The following SNTB1 variants were observed in gnomAD, a reference collection of about 807,000 sequenced individuals.
SNTB1 encodes the protein beta-1-syntrophin.
Under a neutral mutation model 48.9 loss-of-function variants are expected in SNTB1, and 36 were observed. The ratio of observed to expected loss-of-function variants is 0.74; its 90% CI spans 0.56 to 0.97. The LOEUF is 0.97. Ranked by LOEUF, SNTB1 falls within the 50% of genes least tolerant of loss-of-function variation. The pLI, the probability that SNTB1 is intolerant of heterozygous loss-of-function variation, is 0.00. For missense variants in SNTB1, 786 were observed against 703.4 expected (o/e 1.12, Z -1.33); for synonymous variants, 299 against 294.6 (o/e 1.01, Z -0.15).
chr8:120,678,937 G>A (rs112017942), intron 2 of SNTB1, among the ~76,000 whole-genome samples: 18 of 152,150 alleles, frequency 1.2e-4, no homozygotes, highest in African/African-American at 4.1e-4. Flanking sequence ...ATTCCATGGC[G>A]GAAGAAAAAG....
At chr8:120,560,812 T>A (rs1815640749) in intron 4 of SNTB1, among the ~76,000 whole-genome samples, 1 of 152,222 alleles carries the variant, frequency 6.6e-6, no homozygotes, top group Non-Finnish European at 1.5e-5. Flanking sequence ...GGATGCATTA[T>A]CTTGTTTAAT....
chr8:120,800,574 C>T (rs1050744734), intron 1 of SNTB1, among the ~76,000 whole-genome samples: 4 of 151,948 alleles, frequency 2.6e-5, no homozygotes, highest in African/African-American at 9.7e-5. Flanking sequence ...ATGCATCAGA[C>T]CTAGATGGGA....
intron 3 of SNTB1, among the ~76,000 whole-genome samples, chr8:120,626,244 G>T (rs10086339): frequency 0.02 from 3,045 of 152,188 alleles, 99 homozygotes; most frequent in African/African-American, 0.071. Flanking sequence ...GATCAATATA[G>T]TCACATAGAT....
At chr8:120,665,323 G>A (rs1321183487) in intron 2 of SNTB1, among the ~76,000 whole-genome samples, 16 of 152,012 alleles carry the variant, frequency 1.1e-4, no homozygotes, top group Admixed American at 2.0e-4. Flanking sequence ...TTGGTGGCAC[G>A]TGCCTATATT....
intron 2 of SNTB1, among the ~76,000 whole-genome samples, chr8:120,682,047 A>G (rs1438595391): frequency 6.6e-6 from 1 of 152,168 alleles, no homozygotes; most frequent in African/African-American, 2.4e-5. Flanking sequence ...AAGCTAAAAT[A>G]TGACAGGTAA....
intron 3 of SNTB1, among the ~76,000 whole-genome samples, chr8:120,620,901 C>T (rs1816783959): frequency 1.4e-5 from 2 of 147,524 alleles, no homozygotes; most frequent in South Asian, 4.4e-4. Flanking sequence ...TTACCTCCAT[C>T]CTTCCCTCTC....
intron 2 of SNTB1, among the ~76,000 whole-genome samples, chr8:120,633,672 G>A (rs569992368): frequency 6.6e-6 from 1 of 152,196 alleles, no homozygotes; most frequent in East Asian, 1.9e-4. Context: ...GGCCAGAACT[G>A]TAATTGGATT....
At chr8:120,675,890 T>C (rs1457333366) in intron 2 of SNTB1, among the ~76,000 whole-genome samples, 1 of 152,212 alleles carries the variant, frequency 6.6e-6, no homozygotes, top group Non-Finnish European at 1.5e-5. Context: ...AGCCAACACT[T>C]TGTGCAATGG....
At chr8:120,726,922 C>T (rs1818765518) in intron 1 of SNTB1, among the ~76,000 whole-genome samples, 1 of 152,186 alleles carries the variant, frequency 6.6e-6, no homozygotes, top group African/African-American at 2.4e-5. Context: ...ATCTGCAGTG[C>T]TCCTCTTCAG....
At chr8:120,644,798 G>A (rs148861829) in intron 2 of SNTB1, among the ~76,000 whole-genome samples, 94,834 of 145,676 alleles carry the variant, frequency 0.65, 32,686 homozygotes, top group Middle Eastern at 0.77. Flanking sequence ...AAGTGTTCCT[G>A]TTTCTCCACA....
At chr8:120,779,645 A>C (rs958788481) in intron 1 of SNTB1, among the ~76,000 whole-genome samples, 3 of 152,234 alleles carry the variant, frequency 2.0e-5, no homozygotes, top group African/African-American at 7.2e-5. Context: ...GAGGGCATAA[A>C]AAGAGGAATA....
chr8:120,553,446 A>G (rs1815515579), intron 4 of SNTB1, among the ~76,000 whole-genome samples: 1 of 152,172 alleles, frequency 6.6e-6, no homozygotes, highest in Non-Finnish European at 1.5e-5. Context: ...TAATAAAAGG[A>G]TACTTTTCCC....
At chr8:120,779,791 G>A (rs937716628) in intron 1 of SNTB1, among the ~76,000 whole-genome samples, 4 of 152,142 alleles carry the variant, frequency 2.6e-5, no homozygotes, top group African/African-American at 2.4e-5. Flanking sequence ...GAGAGTGAAA[G>A]ATGATAGTTT....
At chr8:120,653,149 G>GTGACTTTATTT (rs1165058468) in intron 2 of SNTB1, among the ~76,000 whole-genome samples, 2 of 152,244 alleles carry the variant, frequency 1.3e-5, no homozygotes, top group Admixed American at 6.5e-5. Flanking sequence ...CATGTTCCTG[G>GTGACTTTATTT]GGAACCTCAG....
intron 1 of SNTB1, among the ~76,000 whole-genome samples, chr8:120,700,389 A>G (rs933972320): frequency 2.6e-5 from 4 of 152,232 alleles, no homozygotes; most frequent in African/African-American, 9.6e-5. Flanking sequence ...TAGTGTCTGC[A>G]TAATTATACT....
intron 1 of SNTB1, among the ~76,000 whole-genome samples, chr8:120,745,036 G>A (rs967683692): frequency 6.6e-6 from 1 of 151,832 alleles, no homozygotes; most frequent in African/African-American, 2.4e-5. Flanking sequence ...AGTCTTGCTT[G>A]TCCTCTGACT....
chr8:120,564,542 T>G (rs1171143699), intron 4 of SNTB1, among the ~76,000 whole-genome samples: 1 of 139,370 alleles, frequency 7.2e-6, no homozygotes, highest in African/African-American at 2.6e-5. Context: ...ATAACTGCCC[T>G]GCAATAGATA....
intron 3 of SNTB1, among the ~76,000 whole-genome samples, chr8:120,616,482 T>TG (rs994689196): frequency 1.9e-5 from 2 of 103,406 alleles, no homozygotes; most frequent in Admixed American, 1.2e-4. Context: ...AAAAAGTTTT[T>TG]TTTTTTTTTT....
chr8:120,568,404 TACA>T (rs1206310776), intron 4 of SNTB1, among the ~76,000 whole-genome samples: 5 of 152,156 alleles, frequency 3.3e-5, no homozygotes, highest in African/African-American at 1.2e-4. Flanking sequence ...TTTTTCTAGG[TACA>T]TCCACAGGGT....
Sources: gnomAD v4.1 joint callset for allele counts (sites outside exome capture counted in the v4.1 genomes callset) on GRCh38, gnomAD v4.1.1 for gene constraint, MANE v1.5 for transcripts, NCBI Gene and HGNC (gene_info 2026-07-23, HGNC 2026-07-21) for gene names.